Variants in GVQW3 observed in about 807,000 individuals in gnomAD.
GVQW3 encodes protein GVQW3.
A neutral mutation model predicts 12.5 loss-of-function variants in GVQW3; 7 were observed. The observed-to-expected ratio is 0.56, with a 90% CI of 0.32 to 1.05. GVQW3 has a LOEUF of 1.05. GVQW3 is among the 50% of genes least tolerant of loss of function. The pLI is 0.04. For missense variants in GVQW3, 188 were observed against 190.8 expected (o/e 0.99, Z 0.09); for synonymous variants, 71 against 67.2 (o/e 1.06, Z -0.28).
At chr11:76,414,619 CAAA>C (rs33977692), downstream of GVQW3, 67,701 of 119,356 alleles carry the variant, frequency 0.57, 17,675 homozygotes, top group South Asian at 0.64. Flanking sequence ...ATGGTCCCCA[CAAA>C]AAAAAAAAAA....
downstream of GVQW3, among the ~76,000 whole-genome samples, chr11:76,409,626 G>A (rs1240714822): frequency 6.6e-6 from 1 of 152,156 alleles, no homozygotes; most frequent in East Asian, 1.9e-4. Context: ...GTAGACTTCT[G>A]TGAGCACACC....
At chr11:76,411,175 G>A (rs1399945151), downstream of GVQW3, 2 of 152,292 alleles carry the variant, frequency 1.3e-5, no homozygotes, top group East Asian at 3.8e-4. Context: ...CATCTGACAT[G>A]ACTAATGAGG....
At chr11:76,412,805 A>G (rs871911), downstream of GVQW3, 42,761 of 152,158 alleles carry the variant, frequency 0.28, 6,248 homozygotes, top group Admixed American at 0.4. Flanking sequence ...AGATGTGGCA[A>G]TGACACCAAC....
chr11:76,391,260 C>T (rs1004275732), intron 1 of GVQW3, among the ~76,000 whole-genome samples: 1 of 152,212 alleles, frequency 6.6e-6, no homozygotes, highest in Non-Finnish European at 1.5e-5. Flanking sequence ...TTTCTGGAGC[C>T]AGTTGGCAGG....
chr11:76,385,089 AC>A (rs2134535544), intron 1 of GVQW3, among the ~76,000 whole-genome samples: 1 of 152,312 alleles, frequency 6.6e-6, no homozygotes, highest in East Asian at 1.9e-4. Context: ...CTGGACCAAG[AC>A]CCATGGTGGA....
At chr11:76,390,066 ATTG>A (rs1239758379) in intron 1 of GVQW3, 2 of 152,236 alleles carry the variant, frequency 1.3e-5, no homozygotes, top group African/African-American at 4.8e-5. Flanking sequence ...CATAGATGAA[ATTG>A]TTATGTTGGG....
In GVQW3 at chr11:76,382,290, A is replaced by T; in HGVS notation, c.462A>T (p.Lys154Asn). The change falls in exon 1 of 2, where the codon AAA becomes AAT. Residue 154 changes from lysine to asparagine, a missense_variant. Lys to Asn is a moderately conservative substitution (Grantham distance 94, BLOSUM62 0). Transcript: ENST00000529331. ...ETRKNSSCLR[K>N]KRRNLTMLPR... ...GGAAAAATAGCTCATGTTTGAGGAA[A>T]AAGGTAACAGGTTCTGAAACATGGA... is the stretch of plus-strand genomic sequence containing the variant. 6.6e-7 allele frequency: 1 copy of T among 1,506,228 alleles called. No homozygotes were observed. Among genetic ancestry groups the T allele is most frequent in the Non-Finnish European group, 8.9e-7 (1 of 1,120,050 alleles). The allele number at this position is 1,506,228 out of a possible 1,614,324, so 93.3% of individuals were successfully genotyped here.
intron 1 of GVQW3, among the ~76,000 whole-genome samples, chr11:76,390,817 A>T (rs1446759686): frequency 7.1e-6 from 1 of 141,244 alleles, no homozygotes; most frequent in Non-Finnish European, 1.6e-5. Flanking sequence ...ACAGAGCAAG[A>T]CTCCGTCTTA....
At chr11:76,396,961 T>C (rs982188299) in intron 1 of GVQW3, among the ~76,000 whole-genome samples, 4 of 151,836 alleles carry the variant, frequency 2.6e-5, no homozygotes, top group African/African-American at 9.7e-5. Context: ...CTAATGTTTT[T>C]AAGGTTCATC....
Position 76,382,285 on chromosome 11 carries a change from A to G in GVQW3, c.457A>G (p.Arg153Gly). Residue 153 changes from arginine to glycine, a missense_variant, in exon 1 of 2, where the codon AGG (arginine) becomes GGG (glycine). Coordinates refer to ENST00000529331, the MANE Select transcript of GVQW3 (RefSeq NM_001347885.2). The stretch of plus-strand genomic sequence containing the variant: ...AACTAGGAAAAATAGCTCATGTTTG[A>G]GGAAAAAGGTAACAGGTTCTGAAAC... ...KETRKNSSCLRKKRRNLTMLP... is the reference protein window; with the variant it reads ...KETRKNSSCLGKKRRNLTMLP... 1 of 1,514,900 alleles carries G rather than the reference A, an allele frequency of 6.6e-7. No homozygotes were observed. The highest frequency in any genetic ancestry group is 8.9e-7 in the Non-Finnish European group (1 of 1,127,966). 93.8% of individuals were successfully genotyped at this position (1,514,900 alleles called of 1,614,324 possible). A position where few individuals can be genotyped will look rare whatever the true frequency, so the allele number is the denominator to read the frequency against.
At chr11:76,411,255 T>A (rs1947077553), downstream of GVQW3, 1 of 152,402 alleles carries the variant, frequency 6.6e-6, no homozygotes, top group Non-Finnish European at 1.5e-5. Flanking sequence ...ACAGCCAGCC[T>A]GGGAAGAGGC....
At chr11:76,399,264 C>T (rs991975506) in intron 1 of GVQW3, among the ~76,000 whole-genome samples, 5 of 152,062 alleles carry the variant, frequency 3.3e-5, no homozygotes, top group East Asian at 3.9e-4. Flanking sequence ...CTCAGCCTCC[C>T]GAGTAACTGG....
intron 1 of GVQW3, chr11:76,390,142 C>G (rs1309093859): frequency 6.6e-6 from 1 of 152,172 alleles, no homozygotes; most frequent in Non-Finnish European, 1.5e-5. Context: ...AAGGTCTCCT[C>G]AGTGAAATTT....
intron 1 of GVQW3, chr11:76,392,343 A>C (rs910987730): frequency 6.6e-6 from 1 of 152,252 alleles, no homozygotes; most frequent in Non-Finnish European, 1.5e-5. Context: ...CTCTCAGAAG[A>C]AACTGGACTT....
intron 1 of GVQW3, among the ~76,000 whole-genome samples, chr11:76,401,450 T>C (rs1220008151): frequency 6.6e-6 from 1 of 152,106 alleles, no homozygotes; most frequent in Non-Finnish European, 1.5e-5. Context: ...GCCTAACCTA[T>C]GAATTTTAAT....
exon 2 of GVQW3, chr11:76,413,792 C>T (rs1314702271): frequency 6.6e-6 from 1 of 152,060 alleles, no homozygotes; most frequent in Non-Finnish European, 1.5e-5. Flanking sequence ...TAAGTATTTT[C>T]CTCTGATGAA....
At chr11:76,409,425 C>A (rs1441471746), downstream of GVQW3, among the ~76,000 whole-genome samples, 1 of 152,192 alleles carries the variant, frequency 6.6e-6, no homozygotes, top group Admixed American at 6.5e-5. Flanking sequence ...ATGGGGGTAA[C>A]TCCTGTTTGC....
intron 1 of GVQW3, among the ~76,000 whole-genome samples, chr11:76,387,057 A>G (rs965307301): frequency 7.2e-5 from 11 of 152,232 alleles, no homozygotes; most frequent in African/African-American, 2.7e-4. Context: ...CTGTGTTCCA[A>G]TAAAACTTTA....
At chr11:76,390,886 T>C (rs548241148) in intron 1 of GVQW3, among the ~76,000 whole-genome samples, 2 of 151,852 alleles carry the variant, frequency 1.3e-5, no homozygotes, top group Admixed American at 1.3e-4. Flanking sequence ...GATTATTAGA[T>C]GTGAGGCTTA....
Sources: gnomAD v4.1 joint callset for allele counts (sites outside exome capture counted in the v4.1 genomes callset) on GRCh38, gnomAD v4.1.1 for gene constraint, MANE v1.5 for transcripts, NCBI Gene and HGNC (gene_info 2026-07-23, HGNC 2026-07-21) for gene names.